Variants in MYO1D observed in about 807,000 individuals in gnomAD.
The protein encoded by MYO1D is myosin ID, also known as unconventional myosin-Id.
A neutral mutation model predicts 122.0 loss-of-function variants in MYO1D; 83 were observed. The observed-to-expected ratio is 0.68, with a 90% CI of 0.57 to 0.82. MYO1D has a LOEUF of 0.82. MYO1D is among the 40% of genes least tolerant of loss of function. The pLI, the probability that MYO1D is intolerant of heterozygous loss-of-function variation, is 0.00. For missense variants in MYO1D, 1,157 were observed against 1,269.5 expected, an observed-to-expected ratio of 0.91 and a Z score of 1.35; for synonymous variants, 464 against 446.9, an observed-to-expected ratio of 1.04 and a Z score of -0.48.
intron 16 of MYO1D, among the ~76,000 whole-genome samples, chr17:32,689,620 T>C (rs951173504): frequency 3.9e-5 from 6 of 152,224 alleles, no homozygotes; most frequent in African/African-American, 1.2e-4. Context: ...AGGAATCGCA[T>C]TGAATATCCT....
chr17:32,654,039 A>G lies in MYO1D; in HGVS notation c.2491-92T>C, dbSNP rs908714606. On this transcript the variant is annotated intron_variant, in intron 18 of 21. Coordinates refer to ENST00000318217, the MANE Select transcript of MYO1D (RefSeq NM_015194.3). Reference sequence around the variant, plus strand: ...AGTGTACTGCTTTATAACTACACTTATATAGTTTCACACATGCACTCTTTA... The same window carrying G: ...AGTGTACTGCTTTATAACTACACTTGTATAGTTTCACACATGCACTCTTTA... 6.1e-6 allele frequency: 6 copies of G among 977,088 alleles called. No individual in the cohort carries two copies. The Admixed American group carries it at 1.2e-4, about 20-fold the overall frequency. 60.5% of individuals were successfully genotyped at this position (977,088 alleles called of 1,614,324 possible).
At chr17:32,622,614 A>G (rs2087867670) in intron 20 of MYO1D, among the ~76,000 whole-genome samples, 1 of 152,204 alleles carries the variant, frequency 6.6e-6, no homozygotes, top group Admixed American at 6.5e-5. Flanking sequence ...GAAGTAAGGA[A>G]GCCATTCAGT....
At chr17:32,658,607 T>G (rs1452697344) in intron 17 of MYO1D, 1 of 152,526 alleles carries the variant, frequency 6.6e-6, no homozygotes, top group Non-Finnish European at 1.5e-5. Context: ...GGCTGCACTT[T>G]AAAATCACGT....
chr17:32,778,503 G>A lies in MYO1D; in HGVS notation c.375C>T (p.Pro125=). Residue 125 remains proline (P), a synonymous_variant, in exon 3 of 22, where the codon CCC becomes CCT. Transcript: ENST00000318217. ...IMQYIAAITN[P]SQRAEVERVK... ...ACCTTTCAACCTCTGCTCTCTGACT[G>A]GGGTTGGTGATGGCCGCAATATACT... is the stretch of plus-strand genomic sequence containing the variant. 6.2e-7 allele frequency: 1 copy of A among 1,613,790 alleles called. No individual in the cohort carries two copies. Among genetic ancestry groups the A allele is most frequent in the African/African-American group, 1.3e-5 (1 of 75,046 alleles).
intron 15 of MYO1D, among the ~76,000 whole-genome samples, chr17:32,720,711 C>T (rs1201325386): frequency 6.6e-6 from 1 of 152,086 alleles, no homozygotes; most frequent in African/African-American, 2.4e-5. Flanking sequence ...ATTTCTGGCC[C>T]ATGATCAAGC....
intron 7 of MYO1D, 88 bp from the exon 8 acceptor site, chr17:32,765,169 G>A: frequency 9.4e-7 from 1 of 1,067,616 alleles, no homozygotes; most frequent in Admixed American, 2.1e-5. Context: ...AGGTGACCTT[G>A]TTTGTACCTA....
chr17:32,657,160 T>C (rs1363818678), intron 17 of MYO1D, among the ~76,000 whole-genome samples: 1 of 152,218 alleles, frequency 6.6e-6, no homozygotes, highest in Non-Finnish European at 1.5e-5. Context: ...GAAAGCTCAA[T>C]TAAAAAGAAT....
chr17:32,859,814 T>C (rs2091054847), intron 1 of MYO1D, among the ~76,000 whole-genome samples: 1 of 151,942 alleles, frequency 6.6e-6, no homozygotes, highest in African/African-American at 2.4e-5. Context: ...GGAGGCACTT[T>C]TGGTTGCCTA....
chr17:32,764,923 C>T lies in MYO1D; in HGVS notation c.990G>A (p.Gln330=). The change falls in exon 8 of 22, where the codon CAG becomes CAA. Residue 330 remains glutamine, a synonymous_variant. Transcript: ENST00000318217. ...VATGRDIIDK[Q]HTEQEASYGR... is the part of the protein sequence containing the mutation. Reference sequence around the variant, plus strand: ...CGTAGCTGGCCTCTTGTTCTGTGTGCTGCTTGTCAATGATGTCACGGCCTG... The same window carrying T: ...CGTAGCTGGCCTCTTGTTCTGTGTGTTGCTTGTCAATGATGTCACGGCCTG... The T allele has an allele frequency of 6.2e-7, 1 of 1,614,176 alleles. No individual in the cohort carries two copies. Among genetic ancestry groups the T allele is most frequent in the East Asian group, 2.2e-5 (1 of 44,886 alleles).
chr17:32,840,165 A>G (rs2090866609), intron 1 of MYO1D, among the ~76,000 whole-genome samples: 1 of 152,202 alleles, frequency 6.6e-6, no homozygotes, highest in Non-Finnish European at 1.5e-5. Flanking sequence ...GATTATACAG[A>G]TAAATAATTA....
intron 16 of MYO1D, among the ~76,000 whole-genome samples, chr17:32,660,806 G>A (rs1412224845): frequency 6.6e-6 from 1 of 152,140 alleles, no homozygotes; most frequent in Non-Finnish European, 1.5e-5. Flanking sequence ...TGTACAGATG[G>A]CTTTGTTACG....
chr17:32,689,249 G>A (rs187482340), intron 16 of MYO1D, among the ~76,000 whole-genome samples: 250 of 152,134 alleles, frequency 1.6e-3, no homozygotes, highest in Non-Finnish European at 2.7e-3. Flanking sequence ...AATTATAAAT[G>A]CTTGATTATA....
chr17:32,718,760 C>A (rs192975952), intron 15 of MYO1D, among the ~76,000 whole-genome samples: 3 of 152,188 alleles, frequency 2.0e-5, no homozygotes, highest in Admixed American at 2.0e-4. Context: ...TCTGGTTTTT[C>A]TTCTACCTTA....
At chr17:32,704,997 C>T (rs945782896) in intron 16 of MYO1D, among the ~76,000 whole-genome samples, 4 of 151,862 alleles carry the variant, frequency 2.6e-5, no homozygotes, top group Non-Finnish European at 4.4e-5. Context: ...ATCAATAAAA[C>T]AGTTTTTGCA....
intron 1 of MYO1D, among the ~76,000 whole-genome samples, chr17:32,818,774 GGACTAAATTA>G: frequency 6.6e-6 from 1 of 152,308 alleles, no homozygotes; most frequent in African/African-American, 2.4e-5. Flanking sequence ...GTTACTGTGA[GGACTAAATTA>G]GACTAAGTAT....
chr17:32,876,717 A>C (rs1400474757), intron 1 of MYO1D, 61 bp downstream of exon 1: 1 of 1,383,548 alleles, frequency 7.2e-7, no homozygotes, highest in East Asian at 3.1e-5. Context: ...CCGCGCCCCG[A>C]GGCGCCCCCT....
intron 12 of MYO1D, among the ~76,000 whole-genome samples, chr17:32,746,671 C>T (rs937150855): frequency 7.2e-5 from 11 of 151,892 alleles, no homozygotes; most frequent in African/African-American, 2.7e-4. Flanking sequence ...TGGGAAGAGA[C>T]CATACCTTAT....
intron 11 of MYO1D, among the ~76,000 whole-genome samples, chr17:32,752,630 A>G (rs1295046872): frequency 6.6e-6 from 1 of 152,216 alleles, no homozygotes; most frequent in Non-Finnish European, 1.5e-5. Context: ...GGTATTTTTC[A>G]AAAGAAGAAA....
In MYO1D at chr17:32,800,695, G is replaced by GT. The variant is rs573614080; in HGVS notation, c.96-19912dup. 1.1e-3 allele frequency among the ~76,000 whole-genome samples: 164 copies of GT among 150,550 alleles called. 1 individual carries two copies. Among genetic ancestry groups the GT allele is most frequent in the Middle Eastern group, 6.8e-3 (2 of 292 alleles). On this transcript the variant is annotated intron_variant, in intron 1 of 21. Coordinates refer to ENST00000318217, the MANE Select transcript of MYO1D (RefSeq NM_015194.3). The stretch of plus-strand genomic sequence containing the variant: ...ATAGCTAAAGGAGCTATTTGTTTTT[G>GT]TTTTTTTTTGTTTTTATTTTTGTTT...
Sources: gnomAD v4.1 joint callset for allele counts (sites outside exome capture counted in the v4.1 genomes callset) on GRCh38, gnomAD v4.1.1 for gene constraint, MANE v1.5 for transcripts, NCBI Gene and HGNC (gene_info 2026-07-23, HGNC 2026-07-21) for gene names.